The following KCNIP4 variants were observed in gnomAD, a reference collection of about 807,000 sequenced individuals.
KCNIP4 encodes the protein Kv channel-interacting protein 4.
KCNIP4 carries 12 observed loss-of-function variants against 34.0 expected under a neutral mutation model. The ratio of observed to expected loss-of-function variants is 0.35; its 90% CI spans 0.23 to 0.57. The LOEUF (loss-of-function observed/expected upper bound fraction) is 0.57, where lower values mean the gene tolerates loss of function less well. KCNIP4 is among the 20% of genes least tolerant of loss of function. KCNIP4 has a pLI of 0.83. For synonymous variants in KCNIP4, 124 were observed against 102.2 expected (o/e 1.21, Z -1.29); for missense variants, 238 against 311.7 (o/e 0.76, Z 1.78).
chr4:20,971,324 C>G (rs901152921), intron 1 of KCNIP4, among the ~76,000 whole-genome samples: 1 of 152,070 alleles, frequency 6.6e-6, no homozygotes, highest in African/African-American at 2.4e-5. Context: ...ATTTAAAAAG[C>G]ATGTTGATTT....
chr4:20,975,782 T>C (rs192874349), intron 1 of KCNIP4, among the ~76,000 whole-genome samples: 3 of 152,322 alleles, frequency 2.0e-5, no homozygotes, highest in Admixed American at 6.5e-5. Context: ...AGGCCAAATC[T>C]AGTCTATTCT....
chr4:21,261,036 C>T (rs1761434865), intron 1 of KCNIP4, among the ~76,000 whole-genome samples: 1 of 152,134 alleles, frequency 6.6e-6, no homozygotes, highest in Admixed American at 6.6e-5. Flanking sequence ...ATTGGCAGAG[C>T]CCCTTCTCAC....
intron 1 of KCNIP4, among the ~76,000 whole-genome samples, chr4:21,290,020 A>T (rs1449881491): frequency 6.6e-6 from 1 of 152,176 alleles, no homozygotes; most frequent in Non-Finnish European, 1.5e-5. Context: ...ACAAAAAAAA[A>T]TAGCTTTTCT....
intron 1 of KCNIP4, among the ~76,000 whole-genome samples, chr4:20,906,872 A>T (rs192556816): frequency 3.3e-5 from 5 of 152,342 alleles, no homozygotes; most frequent in Admixed American, 3.3e-4. Context: ...GGGAAGAATG[A>T]GGAAGGAACC....
intron 1 of KCNIP4, among the ~76,000 whole-genome samples, chr4:20,982,860 A>C (rs534264852): frequency 2.0e-5 from 3 of 152,342 alleles, no homozygotes; most frequent in African/African-American, 7.2e-5. Context: ...TGAGAGGTAA[A>C]TATTCATTAC....
At chr4:21,917,607 G>A (rs1578142366) in intron 1 of KCNIP4, among the ~76,000 whole-genome samples, 1 of 150,658 alleles carries the variant, frequency 6.6e-6, no homozygotes, top group African/African-American at 2.4e-5. Flanking sequence ...TTCAAACCCT[G>A]GACTGTCTAA....
intron 1 of KCNIP4, among the ~76,000 whole-genome samples, chr4:21,882,366 A>G (rs1226306275): frequency 2.0e-5 from 3 of 152,164 alleles, no homozygotes; most frequent in South Asian, 2.1e-4. Context: ...AACAACCACT[A>G]AAGAAGACAG....
At chr4:21,291,010 A>G (rs1419676768) in intron 1 of KCNIP4, among the ~76,000 whole-genome samples, 3 of 152,146 alleles carry the variant, frequency 2.0e-5, no homozygotes, top group Non-Finnish European at 4.4e-5. Flanking sequence ...AAAGTTAAAT[A>G]ATTTGCCTGA....
chr4:21,087,145 AATGT>A (rs1209837518), intron 1 of KCNIP4, among the ~76,000 whole-genome samples: 823 of 70,288 alleles, frequency 0.012, 3 homozygotes, highest in African/African-American at 0.013. Context: ...ACTGCTGGGT[AATGT>A]GTGTGTGTGT....
rs190723035 is a variant in KCNIP4 at position 21,221,590 on chromosome 4, A to G, written c.62-338881T>C. ...ACAGGGGAACCGCACCCATGATTCA[A>G]TTACCTCCACCTGGTCTCTCCCTTG... On this transcript the variant is annotated intron_variant, in intron 1 of 8. Transcript: ENST00000382152. 2.2e-3 allele frequency among the ~76,000 whole-genome samples: 337 copies of G among 152,248 alleles called. 1 individual carries two copies. Among genetic ancestry groups the G allele is most frequent in the Non-Finnish European group, 3.3e-3 (224 of 68,022 alleles).
intron 2 of KCNIP4, among the ~76,000 whole-genome samples, chr4:20,865,196 T>C (rs1201215392): frequency 6.6e-6 from 1 of 152,082 alleles, no homozygotes; most frequent in East Asian, 1.9e-4. Context: ...CCAAGCTTAC[T>C]GACTCTGAAG....
At chr4:21,227,520 C>T (rs1398744380) in intron 1 of KCNIP4, among the ~76,000 whole-genome samples, 1 of 152,152 alleles carries the variant, frequency 6.6e-6, no homozygotes, top group South Asian at 2.1e-4. Context: ...CCTGCTCTAG[C>T]TCCACTTCAT....
intron 1 of KCNIP4, among the ~76,000 whole-genome samples, chr4:20,886,557 T>A (rs2149530320): frequency 6.6e-6 from 1 of 152,252 alleles, no homozygotes; most frequent in East Asian, 1.9e-4. Flanking sequence ...TGGAATGAAA[T>A]AACACAAGCC....
At chr4:20,856,203 T>C (rs1214849444) in intron 2 of KCNIP4, among the ~76,000 whole-genome samples, 1 of 152,258 alleles carries the variant, frequency 6.6e-6, no homozygotes, top group African/African-American at 2.4e-5. Flanking sequence ...TAGCATGCAA[T>C]AGACCTCATG....
At chr4:21,126,619 AAAAAAAAAAAAAAG>A (rs940561721) in intron 1 of KCNIP4, among the ~76,000 whole-genome samples, 1 of 123,196 alleles carries the variant, frequency 8.1e-6, no homozygotes, top group Non-Finnish European at 1.8e-5. Context: ...AGAAATAGCA[AAAAAAAAAAAAAAG>A]AAAAGAAAAA....
At chr4:20,763,512 G>T (rs570369176) in intron 3 of KCNIP4, among the ~76,000 whole-genome samples, 88 of 152,094 alleles carry the variant, frequency 5.8e-4, no homozygotes, top group African/African-American at 2.0e-3. Flanking sequence ...GTCTTAAAGT[G>T]GTATACATCA....
At chr4:21,342,554 C>T (rs1486217471) in intron 1 of KCNIP4, among the ~76,000 whole-genome samples, 2 of 152,110 alleles carry the variant, frequency 1.3e-5, no homozygotes, top group Non-Finnish European at 2.9e-5. Flanking sequence ...ATCCACTGTC[C>T]TCTTTCCAAT....
intron 1 of KCNIP4, among the ~76,000 whole-genome samples, chr4:21,100,500 C>A (rs775414103): frequency 5.3e-5 from 8 of 152,040 alleles, no homozygotes; most frequent in Non-Finnish European, 1.2e-4. Flanking sequence ...TTGCAGTGAG[C>A]CGAGATTGCA....
At chr4:21,054,572 T>G (rs902022593) in intron 1 of KCNIP4, among the ~76,000 whole-genome samples, 3 of 150,858 alleles carry the variant, frequency 2.0e-5, no homozygotes, top group Non-Finnish European at 4.4e-5. Flanking sequence ...AAAAAAGAAT[T>G]CAAAAATAGT....
Sources: gnomAD v4.1 joint callset for allele counts (sites outside exome capture counted in the v4.1 genomes callset) on GRCh38, gnomAD v4.1.1 for gene constraint, MANE v1.5 for transcripts, NCBI Gene and HGNC (gene_info 2026-07-23, HGNC 2026-07-21) for gene names.